PDE4D: variants seen among roughly 807,000 people sequenced by gnomAD.
PDE4D encodes the protein 3',5'-cyclic-AMP phosphodiesterase 4D.
A neutral mutation model predicts 87.4 loss-of-function variants in PDE4D; 24 were observed. That is an observed-to-expected ratio of 0.27 (90% CI 0.20 to 0.39). The LOEUF is 0.39. Among genes scored for constraint, PDE4D ranks in the 10% least tolerant of loss-of-function variants. The pLI is 1.00. For synonymous variants in PDE4D, 384 were observed against 383.2 expected (o/e 1.00, Z -0.02); for missense variants, 714 against 1,041.0 (o/e 0.69, Z 4.32).
At chr5:59,361,575 G>A (rs188200937) in intron 1 of PDE4D, among the ~76,000 whole-genome samples, 9 of 152,222 alleles carry the variant, frequency 5.9e-5, no homozygotes, top group African/African-American at 1.2e-4. Context: ...CACTTCCTCC[G>A]GAAGTCTTCC....
At chr5:59,979,231 G>C (rs1394815128) in intron 3 of PDE4D, among the ~76,000 whole-genome samples, 1 of 152,028 alleles carries the variant, frequency 6.6e-6, no homozygotes, top group African/African-American at 2.4e-5. Context: ...GAGGAGTAAA[G>C]AGGGAGACCA....
chr5:59,688,540 T>C (rs1446611900), intron 1 of PDE4D, among the ~76,000 whole-genome samples: 2 of 152,156 alleles, frequency 1.3e-5, no homozygotes, highest in East Asian at 1.9e-4. Flanking sequence ...AGACACAACA[T>C]ACCAGAATCT....
At chr5:60,329,509 T>C (rs1409351446) in intron 1 of PDE4D, among the ~76,000 whole-genome samples, 1 of 151,784 alleles carries the variant, frequency 6.6e-6, no homozygotes, top group Non-Finnish European at 1.5e-5. Flanking sequence ...AGCATGAGAA[T>C]GGACTAATGT....
chr5:59,105,637 T>A (rs897110491), intron 5 of PDE4D, among the ~76,000 whole-genome samples: 1 of 152,174 alleles, frequency 6.6e-6, no homozygotes, highest in African/African-American at 2.4e-5. Context: ...ATTTAAAACA[T>A]AAATCCTGCA....
At chr5:59,935,954 T>C (rs2152793732) in intron 3 of PDE4D, among the ~76,000 whole-genome samples, 1 of 152,356 alleles carries the variant, frequency 6.6e-6, no homozygotes, top group South Asian at 2.1e-4. Flanking sequence ...TGTTTTATAA[T>C]CCTTTGGGTA....
At chr5:60,510,957 TTTTTGTTTTG>T (rs572948838) in intron 1 of PDE4D, among the ~76,000 whole-genome samples, 7 of 151,932 alleles carry the variant, frequency 4.6e-5, no homozygotes, top group South Asian at 4.2e-4. Context: ...CGTGGTAGTT[TTTTTGTTTTG>T]TTTTGTTTTG....
chr5:59,568,166 C>T (rs370185913), intron 1 of PDE4D, among the ~76,000 whole-genome samples: 1 of 152,042 alleles, frequency 6.6e-6, no homozygotes, highest in African/African-American at 2.4e-5. Flanking sequence ...CAAAACAAAA[C>T]AAACAAAAAA....
chr5:58,977,338 T>C lies in PDE4D; in HGVS notation c.1560A>G (p.Glu520=). 6.2e-7 allele frequency: 1 copy of C among 1,605,686 alleles called. No individual in the cohort carries two copies. The highest frequency in any genetic ancestry group is 8.5e-7 in the Non-Finnish European group (1 of 1,178,036). The part of the protein sequence containing the change: ...SNQFLINTNS[E]LALMYNDSSV... ...AGGAATCATTGTACATCAAGGCAAGTTCAGAGTCTGTAAAAAAGACAAAAG... is the reference window on the plus strand; with the variant it reads ...AGGAATCATTGTACATCAAGGCAAGCTCAGAGTCTGTAAAAAAGACAAAAG... Residue 520 remains glutamate (E), a synonymous_variant, in exon 12 of 15, where the codon GAA becomes GAG. Coordinates refer to ENST00000340635, the MANE Select transcript of PDE4D (RefSeq NM_001104631.2).
At chr5:59,538,599 C>T (rs934037078) in intron 1 of PDE4D, among the ~76,000 whole-genome samples, 9 of 152,262 alleles carry the variant, frequency 5.9e-5, no homozygotes, top group East Asian at 1.9e-4. Context: ...CCATGAGTAC[C>T]GGTCTGAATT....
chr5:59,542,441 C>T (rs1013273054), intron 1 of PDE4D, among the ~76,000 whole-genome samples: 9 of 152,130 alleles, frequency 5.9e-5, no homozygotes, highest in Non-Finnish European at 1.3e-4. Context: ...TTCTCATATG[C>T]TGTGAGGATC....
intron 1 of PDE4D, among the ~76,000 whole-genome samples, chr5:60,322,359 G>GACACAC (rs1215655090): frequency 1.1e-5 from 1 of 90,272 alleles, no homozygotes. Context: ...AATATATATG[G>GACACAC]ACACACATAC....
intron 1 of PDE4D, among the ~76,000 whole-genome samples, chr5:59,406,755 C>T (rs1541672): frequency 0.17 from 26,123 of 152,030 alleles, 3,041 homozygotes; most frequent in African/African-American, 0.32. Context: ...TTCTAACTCT[C>T]TTTTGTTCTT....
chr5:59,248,399 C>T (rs2153527778), intron 1 of PDE4D, among the ~76,000 whole-genome samples: 1 of 151,732 alleles, frequency 6.6e-6, no homozygotes, highest in South Asian at 2.1e-4. Flanking sequence ...CATCTATCTG[C>T]CACCTTACCC....
chr5:60,341,710 C>T (rs1354290014), intron 1 of PDE4D, among the ~76,000 whole-genome samples: 3 of 152,168 alleles, frequency 2.0e-5, no homozygotes, highest in Non-Finnish European at 4.4e-5. Flanking sequence ...TATTACCCTG[C>T]CTTTAAAAGG....
chr5:59,439,127 C>T (rs531238863), intron 1 of PDE4D, among the ~76,000 whole-genome samples: 5 of 151,944 alleles, frequency 3.3e-5, no homozygotes, highest in Non-Finnish European at 5.9e-5. Flanking sequence ...GGGAAGCCGA[C>T]GTGGGTGGAT....
At chr5:59,648,215 CAAG>C (rs1176044400) in intron 1 of PDE4D, among the ~76,000 whole-genome samples, 1 of 152,080 alleles carries the variant, frequency 6.6e-6, no homozygotes, top group Non-Finnish European at 1.5e-5. Context: ...AAAGAAATTC[CAAG>C]AAGGATTTGA....
chr5:59,365,105 T>C (rs1782841592), intron 1 of PDE4D, among the ~76,000 whole-genome samples: 1 of 152,108 alleles, frequency 6.6e-6, no homozygotes. Context: ...AGAAGGAATA[T>C]AAAATATTTA....
At chr5:60,030,720 A>G (rs1767152060) in intron 2 of PDE4D, 2 of 152,254 alleles carry the variant, frequency 1.3e-5, no homozygotes, top group Admixed American at 1.3e-4. Context: ...CCTTTATAAC[A>G]AAATTGCACA....
At chr5:60,418,920 T>C (rs1249325454) in intron 1 of PDE4D, among the ~76,000 whole-genome samples, 1 of 152,050 alleles carries the variant, frequency 6.6e-6, no homozygotes, top group Non-Finnish European at 1.5e-5. Context: ...GGAAAGATTA[T>C]TAAAAGATTA....
Sources: gnomAD v4.1 joint callset for allele counts (sites outside exome capture counted in the v4.1 genomes callset) on GRCh38, gnomAD v4.1.1 for gene constraint, MANE v1.5 for transcripts, NCBI Gene and HGNC (gene_info 2026-07-23, HGNC 2026-07-21) for gene names.